The following PLPP1 variants were observed in gnomAD, a reference collection of about 807,000 sequenced individuals.
The protein encoded by PLPP1 is lipid phosphate phosphohydrolase 1a.
A neutral mutation model predicts 31.2 loss-of-function variants in PLPP1; 24 were observed. The ratio of observed to expected loss-of-function variants is 0.77; its 90% CI spans 0.56 to 1.08. The LOEUF (loss-of-function observed/expected upper bound fraction) is 1.08. Among genes scored for constraint, PLPP1 ranks in the 50% least tolerant of loss-of-function variants. The pLI, the probability that PLPP1 is intolerant of heterozygous loss-of-function variation, is 0.00. For synonymous variants in PLPP1, 146 were observed against 126.3 expected (o/e 1.16, Z -1.05); for missense variants, 319 against 342.7 (o/e 0.93, Z 0.55).
At chr5:55,447,719 T>A (rs1212578937) in intron 3 of PLPP1, among the ~76,000 whole-genome samples, 1 of 152,170 alleles carries the variant, frequency 6.6e-6, no homozygotes, top group Non-Finnish European at 1.5e-5. Context: ...CAAAGTACAG[T>A]TTACATGTGG....
chr5:55,464,932 A>G (rs1465905360), intron 3 of PLPP1, among the ~76,000 whole-genome samples: 2 of 152,202 alleles, frequency 1.3e-5, no homozygotes, highest in South Asian at 4.1e-4. Flanking sequence ...ATTTTATGTC[A>G]TGTGAATTAT....
At chr5:55,500,650 AC>A (rs1753121493) in intron 1 of PLPP1, among the ~76,000 whole-genome samples, 1 of 8,764 alleles carries the variant, frequency 1.1e-4, no homozygotes, top group African/African-American at 1.8e-4. Context: ...TAGCAGGGAG[AC>A]ACACAATCCA....
At chr5:55,441,048 T>G (rs181074288) in intron 4 of PLPP1, among the ~76,000 whole-genome samples, 1 of 152,030 alleles carries the variant, frequency 6.6e-6, no homozygotes, top group African/African-American at 2.4e-5. Context: ...CCCAAATATA[T>G]AGTGTTTTAT....
intron 1 of PLPP1, among the ~76,000 whole-genome samples, chr5:55,512,402 T>G (rs1753434722): frequency 6.7e-6 from 1 of 148,254 alleles, no homozygotes; most frequent in African/African-American, 2.5e-5. Context: ...ACCCGGGAAG[T>G]GGAGGTTGTA....
intron 1 of PLPP1, among the ~76,000 whole-genome samples, chr5:55,498,731 G>A (rs552119650): frequency 6.7e-6 from 1 of 149,962 alleles, no homozygotes; most frequent in East Asian, 1.9e-4. Flanking sequence ...ACAATCTGAA[G>A]TCCAAGAACA....
chr5:55,525,575 A>T (rs905611550), intron 1 of PLPP1, among the ~76,000 whole-genome samples: 13 of 152,144 alleles, frequency 8.5e-5, no homozygotes, highest in Non-Finnish European at 1.9e-4. Context: ...GGCTCAAGAG[A>T]TCCTCCCACC....
rs896241457 is a variant in PLPP1 at position 55,490,144 on chromosome 5, C to CTTTTTTTT, written c.59-14702_59-14695dup. 4.9e-4 allele frequency among the ~76,000 whole-genome samples: 41 copies of CTTTTTTTT among 83,376 alleles called. 1 individual carries two copies. Among genetic ancestry groups the CTTTTTTTT allele is most frequent in the African/African-American group, 1.6e-3 (33 of 21,202 alleles). The allele number at this position is 83,376 out of a possible 152,430, so 54.7% of individuals were successfully genotyped here. ...AGTAAGAAATAGTGACTTTTCTTTT[C>CTTTTTTTT]TTTTTTTTTTTTTTTTTTTTTTTGA... On this transcript the variant is annotated intron_variant, in intron 1 of 5. Coordinates refer to ENST00000307259, the MANE Select transcript of PLPP1 (RefSeq NM_003711.4).
At chr5:55,499,882 C>G (rs549373767) in intron 1 of PLPP1, among the ~76,000 whole-genome samples, 1 of 151,276 alleles carries the variant, frequency 6.6e-6, no homozygotes, top group South Asian at 2.1e-4. Flanking sequence ...ACCATAAAAT[C>G]CGGTAGAATA....
At chr5:55,425,506 A>G (rs1033162401) in intron 5 of PLPP1, 172 bp from the exon 6 acceptor site, 8 of 598,388 alleles carry the variant, frequency 1.3e-5, no homozygotes, top group Non-Finnish European at 1.8e-5. Flanking sequence ...GATTATTCCA[A>G]ATTAAGAGTT....
At chr5:55,464,442 G>A (rs1223932052) in intron 3 of PLPP1, among the ~76,000 whole-genome samples, 3 of 152,000 alleles carry the variant, frequency 2.0e-5, no homozygotes, top group Admixed American at 6.6e-5. Flanking sequence ...CACTACGTTG[G>A]CCAGGCTGGT....
At chr5:55,512,512 A>AAAAGAAAG (rs200128975) in intron 1 of PLPP1, among the ~76,000 whole-genome samples, 22 of 36,846 alleles carry the variant, frequency 6.0e-4, no homozygotes, top group East Asian at 2.0e-3. Context: ...AAAAGAAAAG[A>AAAAGAAAG]AAAGAAAGAA....
chr5:55,494,902 C>T (rs962511041), intron 1 of PLPP1, among the ~76,000 whole-genome samples: 2 of 149,002 alleles, frequency 1.3e-5, no homozygotes, highest in Non-Finnish European at 3.0e-5. Flanking sequence ...TGGCAGATCA[C>T]GAGGTCAGGA....
chr5:55,441,759 C>T (rs966908964), intron 4 of PLPP1, 92 bp downstream of exon 4: 1 of 1,338,172 alleles, frequency 7.5e-7, no homozygotes, highest in Admixed American at 1.8e-5. Flanking sequence ...TTGCTACTGG[C>T]TAATTTATTA....
chr5:55,490,986 C>A, intron 1 of PLPP1: 1 of 1,612,960 alleles, frequency 6.2e-7, no homozygotes. Flanking sequence ...CCAACCCCCA[C>A]TAGGATGAGG....
intron 1 of PLPP1, among the ~76,000 whole-genome samples, chr5:55,514,176 C>T (rs965987305): frequency 3.9e-5 from 6 of 152,090 alleles, no homozygotes; most frequent in African/African-American, 1.4e-4. Context: ...CCCAGGAGTG[C>T]AAGACCTGCC....
chr5:55,452,794 A>G (rs1173455869), intron 3 of PLPP1, among the ~76,000 whole-genome samples: 2 of 152,210 alleles, frequency 1.3e-5, no homozygotes, highest in Non-Finnish European at 2.9e-5. Context: ...TTCTTCCCCA[A>G]TTACATCAAA....
intron 1 of PLPP1, among the ~76,000 whole-genome samples, chr5:55,514,798 A>G (rs1251562437): frequency 6.6e-6 from 1 of 152,232 alleles, no homozygotes; most frequent in Non-Finnish European, 1.5e-5. Flanking sequence ...GTATGCTTGT[A>G]TCACTCAAGT....
chr5:55,522,467 G>T (rs1242959432), intron 1 of PLPP1, among the ~76,000 whole-genome samples: 1 of 152,146 alleles, frequency 6.6e-6, no homozygotes, highest in Non-Finnish European at 1.5e-5. Flanking sequence ...CACAATCACA[G>T]CTCACTGCAA....
At chr5:55,425,838 G>T (rs762194640) in intron 5 of PLPP1, 25 bp downstream of exon 5, 20 of 1,518,244 alleles carry the variant, frequency 1.3e-5, no homozygotes, top group Middle Eastern at 3.5e-4. Flanking sequence ...ATATCAAGAT[G>T]TAGGCTGTTG....
Sources: gnomAD v4.1 joint callset for allele counts (sites outside exome capture counted in the v4.1 genomes callset) on GRCh38, gnomAD v4.1.1 for gene constraint, MANE v1.5 for transcripts, NCBI Gene and HGNC (gene_info 2026-07-23, HGNC 2026-07-21) for gene names.